USP34: variants seen among roughly 807,000 people sequenced by gnomAD.
USP34 encodes ubiquitin specific peptidase 34.
A neutral mutation model predicts 460.3 loss-of-function variants in USP34; 70 were observed. The ratio of observed to expected loss-of-function variants is 0.15; its 90% CI spans 0.13 to 0.19. The LOEUF (loss-of-function observed/expected upper bound fraction) is 0.19. Ranked by LOEUF, USP34 falls within the 10% of genes least tolerant of loss-of-function variation. The pLI is 1.00. For synonymous variants in USP34, 1,647 were observed against 1,405.3 expected, an observed-to-expected ratio of 1.17 and a Z score of -3.85; for missense variants, 3,985 against 4,236.2, an observed-to-expected ratio of 0.94 and a Z score of 1.65.
chr2:61,410,270 G>A (rs887256798), intron 2 of USP34, among the ~76,000 whole-genome samples: 4 of 152,168 alleles, frequency 2.6e-5, no homozygotes, highest in South Asian at 2.1e-4. Flanking sequence ...AGGAGACAGC[G>A]ATAGATCATC....
intron 27 of USP34, among the ~76,000 whole-genome samples, chr2:61,302,153 C>T (rs1239806045): frequency 6.6e-6 from 1 of 152,082 alleles, no homozygotes; most frequent in East Asian, 1.9e-4. Context: ...ATGATTAGAG[C>T]AGGAAAATTA....
chr2:61,448,540 A>G (rs1695182443), intron 1 of USP34, among the ~76,000 whole-genome samples: 1 of 152,224 alleles, frequency 6.6e-6, no homozygotes, highest in Non-Finnish European at 1.5e-5. Context: ...GACAGATCAT[A>G]CTTTGATAAC....
intron 76 of USP34, among the ~76,000 whole-genome samples, chr2:61,191,723 AAGCAATAGGG>A (rs1311843765): frequency 6.6e-6 from 1 of 152,212 alleles, no homozygotes; most frequent in Non-Finnish European, 1.5e-5. Flanking sequence ...GAAGTAGAGA[AAGCAATAGGG>A]AGCAATAGGT....
intron 41 of USP34, among the ~76,000 whole-genome samples, chr2:61,267,422 A>T (rs1689083387): frequency 6.6e-6 from 1 of 152,148 alleles, no homozygotes; most frequent in African/African-American, 2.4e-5. Flanking sequence ...TTAGCTAGGA[A>T]ATATGGAAAG....
intron 30 of USP34, 61 bp downstream of exon 30, chr2:61,296,739 G>T: frequency 1.3e-6 from 2 of 1,548,722 alleles, no homozygotes; most frequent in Non-Finnish European, 1.7e-6. Flanking sequence ...CTTCTACACT[G>T]TCAATAGGAA....
In USP34 at chr2:61,187,780, G is replaced by A. The variant is rs1363861288; in HGVS notation, c.*322C>T. The A allele has an allele frequency of 1.4e-6, 1 of 704,014 alleles. No individual in the cohort carries two copies. The highest frequency in any genetic ancestry group is 1.9e-6 in the Non-Finnish European group (1 of 536,478). The allele number at this position is 704,014 out of a possible 1,614,324, so 43.6% of individuals were successfully genotyped here. A position where few individuals can be genotyped will look rare whatever the true frequency, so the allele number is the denominator to read the frequency against. On this transcript the variant is annotated 3_prime_UTR_variant, in exon 80 of 80. Coordinates refer to ENST00000398571, the MANE Select transcript of USP34 (RefSeq NM_014709.4). Reference sequence around the variant, plus strand: ...ACACCATATCATACACAGTAAAAATGCTGTAAGTTTAAATTACATTGTACA... The same window carrying A: ...ACACCATATCATACACAGTAAAAATACTGTAAGTTTAAATTACATTGTACA...
At chr2:61,421,186 T>C (rs760632384) in intron 1 of USP34, among the ~76,000 whole-genome samples, 2 of 152,200 alleles carry the variant, frequency 1.3e-5, no homozygotes, top group Admixed American at 1.3e-4. Flanking sequence ...TATAGGGTAC[T>C]AGAAGAAGAA....
At chr2:61,237,236 T>A (rs1177528580) in intron 53 of USP34, among the ~76,000 whole-genome samples, 1 of 152,172 alleles carries the variant, frequency 6.6e-6, no homozygotes, top group Non-Finnish European at 1.5e-5. Context: ...TGTATCAGAC[T>A]CTGTATCAGG....
chr2:61,396,785 G>C (rs1464501222), intron 3 of USP34, among the ~76,000 whole-genome samples: 2 of 152,120 alleles, frequency 1.3e-5, no homozygotes, highest in Admixed American at 1.3e-4. Flanking sequence ...ACCTCGCCCA[G>C]TCCTAACTCT....
chr2:61,347,876 T>C lies in USP34; in HGVS notation c.2279A>G (p.His760Arg). 1.2e-6 allele frequency: 2 copies of C among 1,612,204 alleles called. No homozygotes were observed. Among genetic ancestry groups the C allele is most frequent in the Middle Eastern group, 1.7e-4 (1 of 6,058 alleles). The part of the protein sequence containing the change: ...HHHHHHHHHH[H>R]DGHMVDDMLS... Reference sequence around the variant, plus strand: ...TATTTTGAAGTAGGCTTACCCATCGTGGTGGTGGTGATGGTGGTGGTGGTG... The same window carrying C: ...TATTTTGAAGTAGGCTTACCCATCGCGGTGGTGGTGATGGTGGTGGTGGTG... Residue 760 changes from histidine to arginine, a missense_variant, in exon 15 of 80, where the codon CAC (histidine) becomes CGC (arginine). Transcript: ENST00000398571.
At chr2:61,468,744 AAC>A (rs1358211687) in intron 1 of USP34, among the ~76,000 whole-genome samples, 2 of 152,186 alleles carry the variant, frequency 1.3e-5, no homozygotes, top group East Asian at 3.8e-4. Flanking sequence ...CCACATTTCT[AAC>A]ACTCCATAAA....
intron 43 of USP34, 80 bp downstream of exon 43, chr2:61,265,317 C>G (rs921648124): frequency 6.3e-6 from 9 of 1,439,584 alleles, no homozygotes; most frequent in Non-Finnish European, 8.5e-6. Context: ...CAAACATTTA[C>G]TACATTGAAA....
intron 57 of USP34, among the ~76,000 whole-genome samples, chr2:61,233,861 T>C (rs1467555272): frequency 6.6e-6 from 1 of 151,300 alleles, no homozygotes; most frequent in African/African-American, 2.4e-5. Context: ...AAAAAAAAAG[T>C]TATAAAGATG....
At chr2:61,197,971 G>A (rs1686857036) in intron 75 of USP34, among the ~76,000 whole-genome samples, 2 of 152,196 alleles carry the variant, frequency 1.3e-5, no homozygotes, top group South Asian at 2.1e-4. Flanking sequence ...ATGTTGGCCA[G>A]GATGGTCTCG....
chr2:61,365,722 G>C (rs534565209), intron 10 of USP34, among the ~76,000 whole-genome samples: 2 of 152,184 alleles, frequency 1.3e-5, no homozygotes, highest in South Asian at 4.1e-4. Context: ...TACGGTTATA[G>C]TATATAATCT....
At chr2:61,290,030 C>A (rs959497834) in intron 33 of USP34, among the ~76,000 whole-genome samples, 1 of 152,002 alleles carries the variant, frequency 6.6e-6, no homozygotes, top group African/African-American at 2.4e-5. Context: ...GGGAAAAGAC[C>A]ATCTCACAAC....
chr2:61,193,058 A>G, intron 75 of USP34, 78 bp from the exon 76 acceptor site: 2 of 1,123,040 alleles, frequency 1.8e-6, no homozygotes, highest in Non-Finnish European at 2.6e-6. Flanking sequence ...CAGGTACAAT[A>G]TTACAGCTAT....
intron 28 of USP34, 33 bp downstream of exon 28, chr2:61,301,318 GATC>G (rs1414853508): frequency 1.9e-6 from 3 of 1,597,592 alleles, no homozygotes; most frequent in African/African-American, 1.3e-5. Context: ...ATTATAAACA[GATC>G]ATTAAAACTC....
chr2:61,240,337 T>C (rs1220233892), intron 53 of USP34, among the ~76,000 whole-genome samples: 1 of 152,182 alleles, frequency 6.6e-6, no homozygotes, highest in Non-Finnish European at 1.5e-5. Context: ...TTGCCCAGGA[T>C]GGAGTGCAGT....
Sources: allele counts gnomAD v4.1 joint callset (sites outside exome capture counted in the v4.1 genomes callset), GRCh38; gene constraint gnomAD v4.1.1; transcripts MANE v1.5; gene names NCBI Gene and HGNC (gene_info 2026-07-23, HGNC 2026-07-21).